IFT140: variants seen among roughly 807,000 people sequenced by gnomAD.
The protein encoded by IFT140 is intraflagellar transport protein 140 homolog.
Under a neutral mutation model 164.6 loss-of-function variants are expected in IFT140, and 133 were observed. That is an observed-to-expected ratio of 0.81 (90% confidence interval 0.70 to 0.93). The LOEUF is 0.93. Ranked by LOEUF, IFT140 falls within the 40% of genes least tolerant of loss-of-function variation. The pLI is 0.00. For synonymous variants in IFT140, 860 were observed against 817.3 expected (o/e 1.05, Z -0.89); for missense variants, 2,045 against 1,972.3 (o/e 1.04, Z -0.70).
At chr16:1,516,412 CTA>C (rs2040345467) in intron 30 of IFT140, among the ~76,000 whole-genome samples, 1 of 151,922 alleles carries the variant, frequency 6.6e-6, no homozygotes, top group Non-Finnish European at 1.5e-5. Flanking sequence ...AGGGCAAACA[CTA>C]GAAATACAAT....
chr16:1,572,704 G>C (rs1400357728), intron 13 of IFT140, among the ~76,000 whole-genome samples: 2 of 152,212 alleles, frequency 1.3e-5, no homozygotes, highest in Non-Finnish European at 2.9e-5. Context: ...AGTTGCGCTG[G>C]AGCAGACCTC....
chr16:1,567,624 A>G (rs1189040570), intron 15 of IFT140, among the ~76,000 whole-genome samples: 2 of 152,232 alleles, frequency 1.3e-5, no homozygotes, highest in Non-Finnish European at 2.9e-5. Flanking sequence ...TGCCTAGCAC[A>G]GCGTCTGGCC....
intron 14 of IFT140, among the ~76,000 whole-genome samples, chr16:1,569,036 G>A (rs557529484): frequency 2.8e-4 from 38 of 137,596 alleles, no homozygotes; most frequent in Middle Eastern, 4.2e-3. Flanking sequence ...ACGGAGTCTC[G>A]CCCTGTTGCC....
intron 2 of IFT140, among the ~76,000 whole-genome samples, chr16:1,607,711 A>C (rs1268566574): frequency 6.6e-6 from 1 of 152,164 alleles, no homozygotes; most frequent in Non-Finnish European, 1.5e-5. Flanking sequence ...TGGTGTGATC[A>C]CGGCTCACTG....
intron 3 of IFT140, 26 bp from the exon 4 acceptor site, chr16:1,602,617 C>T (rs755676496): frequency 6.3e-7 from 1 of 1,597,962 alleles, no homozygotes; most frequent in African/African-American, 1.3e-5. Context: ...GGCAAATTCC[C>T]ACAGTTCAGA....
At chr16:1,609,041 G>A (rs2036215613) in intron 2 of IFT140, among the ~76,000 whole-genome samples, 1 of 152,096 alleles carries the variant, frequency 6.6e-6, no homozygotes, top group South Asian at 2.1e-4. Context: ...TGTAATCCCA[G>A]CTACTCAGGA....
chr16:1,572,609 G>A (rs2034080452), intron 13 of IFT140, among the ~76,000 whole-genome samples: 1 of 152,224 alleles, frequency 6.6e-6, no homozygotes, highest in Non-Finnish European at 1.5e-5. Context: ...ACATGCCACT[G>A]CACTCCAGCC....
At chr16:1,584,158 C>A in intron 11 of IFT140, 59 bp downstream of exon 11, 1 of 1,509,084 alleles carries the variant, frequency 6.6e-7, no homozygotes, top group Non-Finnish European at 9.0e-7. Flanking sequence ...CCCTGAACTA[C>A]CTGGCCATGG....
intron 12 of IFT140, among the ~76,000 whole-genome samples, chr16:1,581,060 G>A (rs1326918652): frequency 4.6e-5 from 7 of 152,184 alleles, no homozygotes; most frequent in African/African-American, 1.7e-4. Flanking sequence ...CAGTGCGTGC[G>A]GGTCCTGGGC....
chr16:1,563,238 T>G (rs1216842563), intron 17 of IFT140, among the ~76,000 whole-genome samples: 1 of 151,880 alleles, frequency 6.6e-6, no homozygotes, highest in African/African-American at 2.4e-5. Flanking sequence ...GCTCAGCGCC[T>G]GAGAACCAAG....
Position 1,592,285 on chromosome 16 carries a change from G to A in IFT140, c.525C>T (p.Ser175=), listed in dbSNP as rs772378665. The part of the protein sequence containing the change: ...DLVQLAKAAV[S]GDEKALDMFN... ...ACATGTCCAGGGCTTTCTCATCACC[G>A]CTCACAGCTGCCTTTGCCAACTGAA... Residue 175 remains serine, a synonymous_variant, in exon 6 of 31, where the codon AGC becomes AGT. Coordinates refer to ENST00000426508, the MANE Select transcript of IFT140 (RefSeq NM_014714.4). The A allele has an allele frequency of 1.6e-5, 26 of 1,613,990 alleles. No homozygotes were observed. Among genetic ancestry groups the A allele is most frequent in the South Asian group, 1.1e-4 (10 of 91,084 alleles).
At chr16:1,550,136 C>T (rs2281228) in intron 19 of IFT140, among the ~76,000 whole-genome samples, 35,084 of 152,032 alleles carry the variant, frequency 0.23, 4,346 homozygotes, top group South Asian at 0.33. Context: ...GGCAGGGTTT[C>T]ACTATGTTGC....
In IFT140 at chr16:1,558,073, A is replaced by G. The variant is rs754474621; in HGVS notation, c.2261T>C (p.Val754Ala). 39 of 1,614,018 alleles carry G rather than the reference A, an allele frequency of 2.4e-5. No individual in the cohort carries two copies. The highest frequency in any genetic ancestry group is 3.3e-5 in the Non-Finnish European group (39 of 1,180,050). ...AAAGTCTCGCAGGGGTCTCCTGGAC[A>G]CCATCTGAGGGATGTGGTGGCACCC... Reference protein sequence around the residue: ...EPGCHHIPQMVSRRPLRDFVG... With the variant: ...EPGCHHIPQMASRRPLRDFVG... The change falls in exon 19 of 31, where the codon GTG (valine) becomes GCG (alanine). Residue 754 changes from valine to alanine, a missense_variant. Physicochemically the swap from Val to Ala is moderately conservative, Grantham distance 64. Coordinates refer to ENST00000426508, the MANE Select transcript of IFT140 (RefSeq NM_014714.4).
intron 19 of IFT140, among the ~76,000 whole-genome samples, chr16:1,528,112 G>GC: frequency 6.6e-6 from 1 of 152,094 alleles, no homozygotes. Flanking sequence ...GGGAGATCCC[G>GC]CCCCAAGGGC....
rs138669173 is a variant in IFT140, at chr16:1,604,524, C to T, written c.148-1933G>A. The T allele has an allele frequency of 5.2e-3, 797 of 152,398 alleles. 7 individuals are homozygous for T. Among genetic ancestry groups the T allele is most frequent in the African/African-American group, 0.018 (762 of 41,518 alleles). The allele number at this position is 152,398 out of a possible 1,614,324, so 9.4% of individuals were successfully genotyped here. A position where few individuals can be genotyped will look rare whatever the true frequency, so the allele number is the denominator to read the frequency against. ...AGGTGACAGAGCCAGACCTGGGAGG[C>T]GCTAGGGGCCACATCAGGGACTCCA... On this transcript the variant is annotated intron_variant, in intron 3 of 30. Transcript: ENST00000426508.
At chr16:1,544,175 G>A (rs1164928079) in intron 19 of IFT140, among the ~76,000 whole-genome samples, 2 of 147,654 alleles carry the variant, frequency 1.4e-5, no homozygotes, top group Non-Finnish European at 1.5e-5. Flanking sequence ...CTGCCACCAC[G>A]CCCCACTAAT....
intron 2 of IFT140, 110 bp from the exon 3 acceptor site, chr16:1,607,407 C>G: frequency 1.0e-6 from 1 of 953,918 alleles, no homozygotes; most frequent in East Asian, 2.6e-5. Flanking sequence ...ATCGGAAGAC[C>G]ATCGGCAACT....
chr16:1,558,614 G>A (rs2033234705), intron 18 of IFT140, among the ~76,000 whole-genome samples: 1 of 152,212 alleles, frequency 6.6e-6, no homozygotes, highest in African/African-American at 2.4e-5. Context: ...CTTACACCCA[G>A]TTCCTGGAAA....
chr16:1,524,348 C>T, intron 24 of IFT140: 1 of 694,244 alleles, frequency 1.4e-6, no homozygotes, highest in Non-Finnish European at 2.3e-6. Flanking sequence ...GGGGACAATT[C>T]AGTGCTTTGC....
Sources: allele counts gnomAD v4.1 joint callset (sites outside exome capture counted in the v4.1 genomes callset), GRCh38; gene constraint gnomAD v4.1.1; transcripts MANE v1.5; gene names NCBI Gene and HGNC (gene_info 2026-07-23, HGNC 2026-07-21).